Variants in PRKDC observed in about 807,000 individuals in gnomAD.
The protein encoded by PRKDC is DNA-dependent protein kinase catalytic subunit.
PRKDC carries 82 observed loss-of-function variants against 486.9 expected under a neutral mutation model. The observed-to-expected ratio is 0.17, with a 90% CI of 0.14 to 0.20. The LOEUF is 0.20. Among genes scored for constraint, PRKDC ranks in the 10% least tolerant of loss-of-function variants. PRKDC has a pLI of 1.00. For synonymous variants in PRKDC, 1,895 were observed against 1,837.0 expected, an observed-to-expected ratio of 1.03 and a Z score of -0.81; for missense variants, 4,504 against 5,038.2, an observed-to-expected ratio of 0.89 and a Z score of 3.21.
chr8:47,829,933 A>G (rs1352757531), intron 61 of PRKDC, among the ~76,000 whole-genome samples: 4 of 152,180 alleles, frequency 2.6e-5, no homozygotes, highest in Non-Finnish European at 4.4e-5. Flanking sequence ...ACTATTCTAA[A>G]ATTCATATGG....
chr8:47,775,530 C>T (rs1033049791), intron 85 of PRKDC, among the ~76,000 whole-genome samples: 4 of 151,332 alleles, frequency 2.6e-5, no homozygotes, highest in African/African-American at 9.7e-5. Flanking sequence ...AGCCACTGCG[C>T]CCAGCCCTGA....
chr8:47,877,265 A>G lies in PRKDC; in HGVS notation c.5363+459T>C, dbSNP rs1237028932. On this transcript the variant is annotated intron_variant, in intron 40 of 85. Coordinates refer to ENST00000314191, the MANE Select transcript of PRKDC (RefSeq NM_006904.7). ...TGAACCTTGTTTGGACCAAATTTCA[A>G]ATAAGCCAACACTGTCATCTTGTTT... Among the ~76,000 whole-genome samples the G allele has an allele frequency of 2.6e-5, 4 of 152,238 alleles. No individual in the cohort carries two copies. The East Asian group carries it at 7.7e-4, about 29-fold the overall frequency.
chr8:47,837,833 T>C (rs2088061185), intron 56 of PRKDC, among the ~76,000 whole-genome samples: 1 of 152,152 alleles, frequency 6.6e-6, no homozygotes, highest in Non-Finnish European at 1.5e-5. Context: ...AAAACATATA[T>C]TAATTAAATA....
intron 50 of PRKDC, among the ~76,000 whole-genome samples, chr8:47,854,675 G>A (rs1216800676): frequency 6.6e-6 from 1 of 152,216 alleles, no homozygotes; most frequent in Admixed American, 6.5e-5. Flanking sequence ...TTCAGGGTAA[G>A]AAATGCTTTT....
chr8:47,890,610 A>G (rs948221151), intron 31 of PRKDC, 130 bp from the exon 32 acceptor site: 3 of 594,800 alleles, frequency 5.0e-6, no homozygotes, highest in African/African-American at 3.7e-5. Flanking sequence ...CAAAAGAAAC[A>G]AACAGCTTAA....
At chr8:47,910,998 C>G (rs1441232451) in intron 25 of PRKDC, among the ~76,000 whole-genome samples, 1 of 152,140 alleles carries the variant, frequency 6.6e-6, no homozygotes, top group East Asian at 1.9e-4. Flanking sequence ...TAGAGTTTAT[C>G]AGCTGATATG....
At chr8:47,839,802 G>A (rs1023382716) in intron 55 of PRKDC, among the ~76,000 whole-genome samples, 4 of 151,980 alleles carry the variant, frequency 2.6e-5, no homozygotes, top group Non-Finnish European at 2.9e-5. Flanking sequence ...GTGAAACCCC[G>A]TCTCCACAAA....
At chr8:47,859,075 C>A in intron 46 of PRKDC, 89 bp from the exon 47 acceptor site, 1 of 1,378,756 alleles carries the variant, frequency 7.3e-7, no homozygotes. Flanking sequence ...TCTGGGGCAA[C>A]AGCATATAAC....
chr8:47,812,614 A>G (rs1245341161), intron 68 of PRKDC, among the ~76,000 whole-genome samples: 1 of 152,232 alleles, frequency 6.6e-6, no homozygotes, highest in African/African-American at 2.4e-5. Context: ...CAGGGACACA[A>G]ATAACTTTAA....
intron 69 of PRKDC, among the ~76,000 whole-genome samples, chr8:47,803,732 C>T (rs1179942470): frequency 6.6e-6 from 1 of 152,054 alleles, no homozygotes; most frequent in Non-Finnish European, 1.5e-5. Context: ...GGAGGATTAC[C>T]TGAGTCTAGG....
At chr8:47,877,676 A>G in intron 40 of PRKDC, 48 bp downstream of exon 40, 1 of 1,459,820 alleles carries the variant, frequency 6.9e-7, no homozygotes, top group African/African-American at 1.4e-5. Context: ...ATTTCCCACA[A>G]AACTGAAATG....
At chr8:47,839,635 CAT>C (rs1440596230) in intron 55 of PRKDC, among the ~76,000 whole-genome samples, 1 of 152,158 alleles carries the variant, frequency 6.6e-6, no homozygotes, top group African/African-American at 2.4e-5. Context: ...TTTTCACACA[CAT>C]ATGTGAAATG....
At chr8:47,864,222 G>C (rs997203235) in intron 41 of PRKDC, among the ~76,000 whole-genome samples, 1 of 152,150 alleles carries the variant, frequency 6.6e-6, no homozygotes, top group African/African-American at 2.4e-5. Flanking sequence ...GGTGAAACCA[G>C]CACAAGCCAA....
Position 47,773,136 on chromosome 8 carries a change from C to G in PRKDC, c.*1037G>C, listed in dbSNP as rs2086549084. On this transcript the variant is annotated 3_prime_UTR_variant, in exon 86 of 86. Transcript: ENST00000314191. ...TTTTGGAAAAAAACTTTATTAAACA[C>G]TCAAGAGTATACTTCTCAAAATCAC... The G allele has an allele frequency of 4.9e-6, 1 of 202,718 alleles. No individual in the cohort carries two copies. 12.6% of individuals were successfully genotyped at this position (202,718 alleles called of 1,614,324 possible).
chr8:47,794,156 C>T (rs1418528196), intron 74 of PRKDC, 134 bp downstream of exon 74: 2 of 735,322 alleles, frequency 2.7e-6, no homozygotes, highest in Non-Finnish European at 4.4e-6. Flanking sequence ...TTCAACAAAG[C>T]GACGGCTAAG....
chr8:47,900,165 G>A (rs962083972), intron 28 of PRKDC, among the ~76,000 whole-genome samples: 3 of 152,110 alleles, frequency 2.0e-5, no homozygotes, highest in African/African-American at 7.2e-5. Context: ...GCCACCAGGA[G>A]TACATGGTGA....
chr8:47,904,945 A>AT lies in PRKDC; in HGVS notation c.2965dup (p.Met989AsnfsTer9). 6.2e-7 allele frequency: 1 copy of AT among 1,613,750 alleles called. No homozygotes were observed. Among genetic ancestry groups the AT allele is most frequent in the Non-Finnish European group, 8.5e-7 (1 of 1,179,698 alleles). On this transcript the variant is annotated frameshift_variant, in exon 26 of 86. Transcript: ENST00000314191. LOFTEE classifies it high-confidence loss of function. ...GTTAGTGAACCAGTGAATCAGCTGC[A>AT]TAACTAGTGGCTCATACAGTTGCCT... is the stretch of plus-strand genomic sequence containing the variant.
At chr8:47,795,275 C>CG (rs1257806073) in intron 73 of PRKDC, among the ~76,000 whole-genome samples, 1 of 144,626 alleles carries the variant, frequency 6.9e-6, no homozygotes, top group Non-Finnish European at 1.5e-5. Context: ...CTGCAAGCTC[C>CG]GCCTCCCAGG....
At chr8:47,860,385 C>T (rs890005432) in intron 45 of PRKDC, among the ~76,000 whole-genome samples, 44 of 152,144 alleles carry the variant, frequency 2.9e-4, no homozygotes, top group African/African-American at 9.9e-4. Context: ...GCAGGCCTGG[C>T]GCCTACAAGG....
Sources: gnomAD v4.1 joint callset for allele counts (sites outside exome capture counted in the v4.1 genomes callset) on GRCh38, gnomAD v4.1.1 for gene constraint, MANE v1.5 for transcripts, NCBI Gene and HGNC (gene_info 2026-07-23, HGNC 2026-07-21) for gene names.